Variants in NSD1 observed in about 807,000 individuals in gnomAD.
NSD1 encodes the protein nuclear receptor binding SET domain protein 1.
Under a neutral mutation model 242.7 loss-of-function variants are expected in NSD1, and 26 were observed. The ratio of observed to expected loss-of-function variants is 0.11; its 90% CI spans 0.08 to 0.15. NSD1 has a LOEUF of 0.15. Ranked by LOEUF, NSD1 falls within the 10% of genes least tolerant of loss-of-function variation. The pLI is 1.00. For missense variants in NSD1, 2,495 were observed against 3,272.8 expected (o/e 0.76, Z 5.80); for synonymous variants, 1,106 against 1,178.1 (o/e 0.94, Z 1.25).
At position 177,170,644 on chromosome 5, in the gene NSD1, C is replaced by T. The variant is rs145982928; in HGVS notation, c.928-21240C>T. ...CTAGGATTACAGGCGTGAGCCACTGCGCCTGGCCAACTTCATTTTTTATTT... is the reference window on the plus strand; with the variant it reads ...CTAGGATTACAGGCGTGAGCCACTGTGCCTGGCCAACTTCATTTTTTATTT... On this transcript the variant is annotated intron_variant, in intron 2 of 22. Transcript: ENST00000439151. Among the ~76,000 whole-genome samples, 214 of 152,312 alleles carry T rather than the reference C, an allele frequency of 1.4e-3. 1 individual carries two copies. The East Asian group carries it at 0.039, about 28-fold the overall frequency.
In NSD1 at chr5:177,134,329, C is replaced by T. The variant is rs1476695126; in HGVS notation, c.-18+377C>T. 2.6e-5 allele frequency: 4 copies of T among 152,252 alleles called. No individual in the cohort carries two copies. In the South Asian group the frequency reaches 7.7e-4, roughly 29 times the overall value. The allele number at this position is 152,252 out of a possible 1,614,324, so 9.4% of individuals were successfully genotyped here. On this transcript the variant is annotated intron_variant, in intron 1 of 22. Transcript: ENST00000439151. The surrounding 1 kb of genome is among the most constrained non-coding windows in gnomAD (Gnocchi z 4.2). ...TGAATATTGATGAGAGCGATCGGCT[C>T]GGCTGGGAGGTGCTGCCGCGGCTGC...
At chr5:177,222,522 T>C (rs1764317654) in intron 5 of NSD1, among the ~76,000 whole-genome samples, 3 of 152,236 alleles carry the variant, frequency 2.0e-5, no homozygotes, top group Non-Finnish European at 4.4e-5. Flanking sequence ...TATTTGGTTA[T>C]AGCCGTCCTT....
intron 2 of NSD1, among the ~76,000 whole-genome samples, chr5:177,175,259 AG>A (rs1225302985): frequency 2.6e-5 from 4 of 152,158 alleles, no homozygotes; most frequent in Non-Finnish European, 5.9e-5. Flanking sequence ...TTGTCACAAA[AG>A]GTTATGCTTA....
At chr5:177,237,221 A>G (rs1765516823) in intron 6 of NSD1, among the ~76,000 whole-genome samples, 1 of 152,108 alleles carries the variant, frequency 6.6e-6, no homozygotes, top group Non-Finnish European at 1.5e-5. Context: ...CAAAATGAAG[A>G]CTTTCAGATT....
chr5:177,295,409 C>G lies in NSD1; in HGVS notation c.8041C>G (p.Leu2681Val). 1 of 1,614,230 alleles carries G rather than the reference C, an allele frequency of 6.2e-7. No homozygotes were observed. The highest frequency in any genetic ancestry group is 8.5e-7 in the Non-Finnish European group (1 of 1,180,050). ...ACCAGAGCAAAATACACTTCCAGCT[C>G]TTAACCAGGCTCCTTCCAGTCACAA... is the stretch of plus-strand genomic sequence containing the variant. The part of the protein sequence containing the change: ...PKPEQNTLPA[L>V]NQAPSSHKCA... The change falls in exon 23 of 23, where the codon CTT becomes GTT. Residue 2681 changes from leucine to valine, a missense_variant. Physicochemically the swap from Leu to Val is conservative, Grantham distance 32. Coordinates refer to ENST00000439151, the MANE Select transcript of NSD1 (RefSeq NM_022455.5). The surrounding 1 kb of genome is among the most constrained non-coding windows in gnomAD (Gnocchi z 4.3).
At chr5:177,246,943 G>A in intron 10 of NSD1, 147 bp downstream of exon 10, 1 of 672,434 alleles carries the variant, frequency 1.5e-6, no homozygotes, top group Non-Finnish European at 2.7e-6. Context: ...AGGAAAAGTA[G>A]AGCCTTATCC....
intron 2 of NSD1, among the ~76,000 whole-genome samples, chr5:177,158,293 C>CCTTTCT (rs1554172561): frequency 1.3e-5 from 1 of 77,674 alleles, no homozygotes; most frequent in African/African-American, 4.7e-5. Flanking sequence ...TTCTTTCTTT[C>CCTTTCT]TTTCTTTCTT....
intron 17 of NSD1, among the ~76,000 whole-genome samples, chr5:177,274,109 G>A (rs562525809): frequency 1.3e-5 from 2 of 152,122 alleles, no homozygotes; most frequent in East Asian, 1.9e-4. Context: ...AGCCGAGATC[G>A]TGCCACTACA....
intron 3 of NSD1, among the ~76,000 whole-genome samples, chr5:177,195,266 T>C (rs984312858): frequency 1.3e-5 from 2 of 152,110 alleles, no homozygotes; most frequent in African/African-American, 2.4e-5. Flanking sequence ...GAGGATCACT[T>C]GAGCCTAGGA....
Position 177,209,825 on chromosome 5 carries a change from T to G in NSD1, c.1426T>G (p.Leu476Val). The G allele has an allele frequency of 6.2e-7, 1 of 1,614,202 alleles. No individual in the cohort carries two copies. The highest frequency in any genetic ancestry group is 8.5e-7 in the Non-Finnish European group (1 of 1,180,034). ...ACATGACCTGTTGCTTAATGGCTGT[T>G]TGAAATCACTGGCTTTTGATTCTGA... is the stretch of plus-strand genomic sequence containing the variant. Reference protein sequence around the residue: ...SEHDLLLNGCLKSLAFDSEHS... With the variant: ...SEHDLLLNGCVKSLAFDSEHS... Residue 476 changes from leucine to valine, a missense_variant, in exon 5 of 23, where the codon TTG becomes GTG. Physicochemically the swap from Leu to Val is conservative, Grantham distance 32 (BLOSUM62 1). Transcript: ENST00000439151.
chr5:177,170,816 C>T (rs1759640490), intron 2 of NSD1, among the ~76,000 whole-genome samples: 1 of 152,034 alleles, frequency 6.6e-6, no homozygotes, highest in South Asian at 2.1e-4. Context: ...ATAGTAATTC[C>T]TAATAGTTCC....
chr5:177,196,715 G>A (rs1762126552), intron 3 of NSD1, among the ~76,000 whole-genome samples: 2 of 152,294 alleles, frequency 1.3e-5, no homozygotes, highest in Middle Eastern at 3.4e-3. Context: ...AAGATACTAT[G>A]AGACAAAAGG....
Position 177,265,249 on chromosome 5 carries a change from T to TA in NSD1, c.5147-2305dup, listed in dbSNP as rs938184643. On this transcript the variant is annotated intron_variant, in intron 14 of 22. Coordinates refer to ENST00000439151, the MANE Select transcript of NSD1 (RefSeq NM_022455.5). The stretch of plus-strand genomic sequence containing the variant: ...TATGAATTCATGGCATCATAGGTGT[T>TA]AAAAAAAATAAAAGACCTCTGGACT... The TA allele has an allele frequency of 1.2e-4, 91 of 732,052 alleles. 1 individual carries two copies. Among genetic ancestry groups the TA allele is most frequent in the African/African-American group, 4.1e-4 (23 of 56,772 alleles). The allele number at this position is 732,052 out of a possible 1,614,324, so 45.3% of individuals were successfully genotyped here. A position where few individuals can be genotyped will look rare whatever the true frequency, so the allele number is the denominator to read the frequency against.
intron 2 of NSD1, among the ~76,000 whole-genome samples, chr5:177,178,396 T>C (rs1357132106): frequency 6.6e-6 from 1 of 152,076 alleles, no homozygotes; most frequent in Non-Finnish European, 1.5e-5. Flanking sequence ...CTGGCTAATT[T>C]TGTATTTTTA....
At position 177,246,761 on chromosome 5, in the gene NSD1, AATG is replaced by A. The variant is rs762220697; in HGVS notation, c.4467_4469del (p.Asp1490del). The A allele has an allele frequency of 3.1e-6, 5 of 1,613,860 alleles. No homozygotes were observed. Among genetic ancestry groups the A allele is most frequent in the Non-Finnish European group, 4.2e-6 (5 of 1,179,866 alleles). ...CAAGATGCAGTGTAAAAAAGTGAAA[AATG>A]ATGACTCGTCAAAAGAGATTCCAGG... On this transcript the variant is annotated inframe_deletion, in exon 10 of 23. Transcript: ENST00000439151.
At chr5:177,183,096 T>G (rs10063159) in intron 2 of NSD1, among the ~76,000 whole-genome samples, 11,964 of 152,148 alleles carry the variant, frequency 0.079, 992 homozygotes, top group African/African-American at 0.21. Context: ...GGGTAAAATT[T>G]TTTTGTTTGT....
intron 2 of NSD1, among the ~76,000 whole-genome samples, chr5:177,144,994 A>G (rs1424477197): frequency 1.3e-5 from 2 of 150,888 alleles, no homozygotes; most frequent in Non-Finnish European, 2.9e-5. Flanking sequence ...CTGATGCAGG[A>G]GGATCGCTTG....
chr5:177,181,270 C>T (rs1387144618), intron 2 of NSD1, among the ~76,000 whole-genome samples: 1 of 151,884 alleles, frequency 6.6e-6, no homozygotes, highest in Non-Finnish European at 1.5e-5. Flanking sequence ...GTGACAGTGA[C>T]AGAGCAAGAC....
intron 3 of NSD1, 30 bp from the exon 4 acceptor site, chr5:177,204,090 A>G: frequency 6.2e-7 from 1 of 1,604,624 alleles, no homozygotes; most frequent in African/African-American, 1.3e-5. Context: ...TCTTTGATCT[A>G]ATGATTCTGG....
Sources: allele counts gnomAD v4.1 joint callset (sites outside exome capture counted in the v4.1 genomes callset), GRCh38; gene constraint gnomAD v4.1.1; non-coding constraint Gnocchi (gnomAD v3.1); transcripts MANE v1.5; gene names NCBI Gene and HGNC (gene_info 2026-07-23, HGNC 2026-07-21).